CAMSAP1: variants seen among roughly 807,000 people sequenced by gnomAD.
CAMSAP1 encodes the protein calmodulin-regulated spectrin-associated protein 1.
Under a neutral mutation model 143.5 loss-of-function variants are expected in CAMSAP1, and 58 were observed. That is an observed-to-expected ratio of 0.40 (90% CI 0.33 to 0.50). The LOEUF (loss-of-function observed/expected upper bound fraction) is 0.50, where lower values mean the gene tolerates loss of function less well. Ranked by LOEUF, CAMSAP1 falls within the 20% of genes least tolerant of loss-of-function variation. CAMSAP1 has a pLI of 0.45. For missense variants in CAMSAP1, 1,969 were observed against 2,115.7 expected (o/e 0.93, Z 1.36); for synonymous variants, 945 against 859.3 (o/e 1.10, Z -1.74).
rs1475728965 is a variant in CAMSAP1 at position 135,882,884 on chromosome 9, T to A, written c.355A>T (p.Ile119Phe). Residue 119 changes from isoleucine to phenylalanine, a missense_variant, in exon 2 of 17, where the codon ATC becomes TTC. Physicochemically the swap from Ile to Phe is conservative, Grantham distance 21 (BLOSUM62 0). Coordinates refer to ENST00000389532, the MANE Select transcript of CAMSAP1 (RefSeq NM_015447.4). The surrounding 1 kb of genome is among the most constrained non-coding windows in gnomAD (Gnocchi z 4.9). The stretch of plus-strand genomic sequence containing the variant: ...GTGTCATCACTCTCCATCACATAGA[T>A]CCCTTTCCGGGACAGGGCCTGGATG... ...SVIQALSRKG[I>F]YVMESDDTPV... The A allele has an allele frequency of 6.4e-7, 1 of 1,551,406 alleles. No individual in the cohort carries two copies. Among genetic ancestry groups the A allele is most frequent in the African/African-American group, 1.4e-5 (1 of 72,986 alleles).
intron 14 of CAMSAP1, chr9:135,817,728 G>C (rs1440263060): frequency 2.2e-6 from 1 of 462,926 alleles, no homozygotes. Context: ...TGAAGAAGCA[G>C]GTGTGCACGT....
chr9:135,836,193 C>T (rs998885225), intron 7 of CAMSAP1: 9 of 985,290 alleles, frequency 9.1e-6, no homozygotes, highest in Middle Eastern at 1.0e-3. Flanking sequence ...TACCTTTACC[C>T]GTTCCGCAGC....
At chr9:135,859,627 C>T (rs11103203) in intron 5 of CAMSAP1, among the ~76,000 whole-genome samples, 2 of 151,942 alleles carry the variant, frequency 1.3e-5, no homozygotes, top group Admixed American at 6.6e-5. Context: ...CTCCCAACCT[C>T]GTGATCTACC....
intron 4 of CAMSAP1, among the ~76,000 whole-genome samples, chr9:135,864,271 T>C (rs969548163): frequency 1.3e-5 from 2 of 152,358 alleles, no homozygotes; most frequent in South Asian, 4.1e-4. Flanking sequence ...GTAAGTGCTT[T>C]GATATTTAGC....
intron 5 of CAMSAP1, among the ~76,000 whole-genome samples, chr9:135,852,724 G>A (rs1373590114): frequency 6.6e-6 from 1 of 152,128 alleles, no homozygotes; most frequent in African/African-American, 2.4e-5. Flanking sequence ...GCAAAGTTAA[G>A]CAAAATTTGG....
chr9:135,847,351 T>C (rs1265169618), intron 7 of CAMSAP1, among the ~76,000 whole-genome samples: 2 of 151,638 alleles, frequency 1.3e-5, no homozygotes, highest in Non-Finnish European at 2.9e-5. Flanking sequence ...TGAGACTCTG[T>C]CTCGAAAAAA....
At chr9:135,865,421 C>G in intron 4 of CAMSAP1, 1 of 1,523,598 alleles carries the variant, frequency 6.6e-7, no homozygotes, top group South Asian at 1.2e-5. Flanking sequence ...AGCAGGTCCA[C>G]GTGTGGACGA....
chr9:135,874,019 C>A (rs1420935291), intron 3 of CAMSAP1, among the ~76,000 whole-genome samples: 1 of 151,958 alleles, frequency 6.6e-6, no homozygotes, highest in Non-Finnish European at 1.5e-5. Context: ...AAATAATAAA[C>A]ACAACCAATT....
chr9:135,862,392 T>C lies in CAMSAP1; in HGVS notation c.808+75A>G, dbSNP rs1837231200. ...CTTTCTCTTTTTTTTTTTTAATATA[T>C]ATGTGGATCAATGTACACTATAATT... is the stretch of plus-strand genomic sequence containing the variant. On this transcript the variant is annotated intron_variant, in intron 5 of 16. Transcript: ENST00000389532. The C allele has an allele frequency of 6.5e-6, 9 of 1,383,584 alleles. 1 individual carries two copies. The highest frequency in any genetic ancestry group is 1.5e-5 in the African/African-American group (1 of 68,476). The allele number at this position is 1,383,584 out of a possible 1,614,324, so 85.7% of individuals were successfully genotyped here.
At chr9:135,854,212 G>T (rs1440837722) in intron 5 of CAMSAP1, among the ~76,000 whole-genome samples, 2 of 152,164 alleles carry the variant, frequency 1.3e-5, no homozygotes, top group Non-Finnish European at 2.9e-5. Flanking sequence ...TTCCTTTGTA[G>T]TTATGGGTCT....
intron 3 of CAMSAP1, among the ~76,000 whole-genome samples, chr9:135,871,385 A>C (rs1273405249): frequency 1.3e-5 from 2 of 152,096 alleles, no homozygotes; most frequent in Non-Finnish European, 2.9e-5. Flanking sequence ...ATGGGGTCTC[A>C]CTATGTTGTC....
chr9:135,892,200 T>C (rs1488717839), intron 1 of CAMSAP1, among the ~76,000 whole-genome samples: 2 of 152,056 alleles, frequency 1.3e-5, no homozygotes, highest in African/African-American at 4.8e-5. Flanking sequence ...AAGAAAACCG[T>C]GTGCAGACAT....
At chr9:135,856,206 T>C (rs1377842012) in intron 5 of CAMSAP1, among the ~76,000 whole-genome samples, 2 of 152,194 alleles carry the variant, frequency 1.3e-5, no homozygotes, top group Non-Finnish European at 2.9e-5. Context: ...AAGCAGTTTA[T>C]TGGACTTACA....
Position 135,816,176 on chromosome 9 carries a change from C to T in CAMSAP1, c.4272-171G>A, listed in dbSNP as rs151126173. On this transcript the variant is annotated intron_variant, in intron 14 of 16. Transcript: ENST00000389532. ...CAACTCCCACACAGTACAGACACTC[C>T]GAGCAAAATACAAAAGCAAACACTT... is the stretch of plus-strand genomic sequence containing the variant. Among the ~76,000 whole-genome samples, 216 of 152,292 alleles carry T rather than the reference C, an allele frequency of 1.4e-3. 1 individual carries two copies. The highest frequency in any genetic ancestry group is 4.8e-3 in the African/African-American group (198 of 41,548).
In CAMSAP1 at chr9:135,824,078, T is replaced by A. The variant is rs1350082924; in HGVS notation, c.1316-44A>T. The A allele has an allele frequency of 4.7e-6, 7 of 1,500,796 alleles. No homozygotes were observed. The highest frequency in any genetic ancestry group is 6.4e-6 in the Non-Finnish European group (7 of 1,100,198). The allele number at this position is 1,500,796 out of a possible 1,614,324, so 93.0% of individuals were successfully genotyped here. On this transcript the variant is annotated intron_variant, in intron 9 of 16. Transcript: ENST00000389532. This position sits in a 1 kb window ranked among gnomAD's most constrained non-coding sequence, Gnocchi z 4.1. ...AGATAGTGTTAAGTAACCAATTTTC[T>A]ATCACTTGAAATTCTTTCAATATGA...
At chr9:135,894,936 G>A (rs1474960892) in intron 1 of CAMSAP1, among the ~76,000 whole-genome samples, 1 of 152,112 alleles carries the variant, frequency 6.6e-6, no homozygotes, top group African/African-American at 2.4e-5. Context: ...GCCAAATGAA[G>A]AACTGGAAAA....
Position 135,907,133 on chromosome 9 carries a change from G to A in CAMSAP1, c.27C>T (p.Ala9=). 1.4e-5 allele frequency: 16 copies of A among 1,117,414 alleles called. No homozygotes were observed. Among genetic ancestry groups the A allele is most frequent in the Non-Finnish European group, 1.6e-5 (15 of 912,010 alleles). The allele number at this position is 1,117,414 out of a possible 1,614,324, so 69.2% of individuals were successfully genotyped here. A position where few individuals can be genotyped will look rare whatever the true frequency, so the allele number is the denominator to read the frequency against. ...CCTCCATCTTCCTCCAGCCCTCGGCGGCGGCGCGGCCGCTCGCGTCCACCA... is the reference window on the plus strand; with the variant it reads ...CCTCCATCTTCCTCCAGCCCTCGGCAGCGGCGCGGCCGCTCGCGTCCACCA... The part of the protein sequence containing the change: MVDASGRA[A]AEGWRKMEAP... Residue 9 remains alanine (A), a synonymous_variant, in exon 1 of 17, where the codon GCC becomes GCT. Transcript: ENST00000389532.
In CAMSAP1 at chr9:135,854,135, G is replaced by A. The variant is rs978945083; in HGVS notation, c.809-3674C>T. Among the ~76,000 whole-genome samples the A allele has an allele frequency of 3.3e-5, 5 of 152,314 alleles. No homozygotes were observed. In the South Asian group the frequency reaches 6.2e-4, roughly 19 times the overall value. ...AACACAGGAGCTGACAATTCCTTGA[G>A]AGTCTGGTGAAATGCCCCAGGAAGA... On this transcript the variant is annotated intron_variant, in intron 5 of 16. Transcript: ENST00000389532.
chr9:135,887,434 G>A (rs562260948), intron 1 of CAMSAP1, among the ~76,000 whole-genome samples: 115 of 152,346 alleles, frequency 7.5e-4, no homozygotes, highest in African/African-American at 2.7e-3. Context: ...AGCGGGAACT[G>A]TGCCTCTGCT....
Sources: allele counts gnomAD v4.1 joint callset (sites outside exome capture counted in the v4.1 genomes callset), GRCh38; gene constraint gnomAD v4.1.1; non-coding constraint Gnocchi (gnomAD v3.1); transcripts MANE v1.5; gene names NCBI Gene and HGNC (gene_info 2026-07-23, HGNC 2026-07-21).